XYLT1: variants seen among roughly 807,000 people sequenced by gnomAD.
The protein encoded by XYLT1 is xylosyltransferase 1.
In XYLT1, 36 loss-of-function variants were observed where a neutral mutation model predicts 91.3. The ratio of observed to expected loss-of-function variants is 0.39; its 90% CI spans 0.30 to 0.52. The LOEUF (loss-of-function observed/expected upper bound fraction) is 0.52. Ranked by LOEUF, XYLT1 falls within the 20% of genes least tolerant of loss-of-function variation. The pLI is 0.68. For synonymous variants in XYLT1, 588 were observed against 532.0 expected (o/e 1.11, Z -1.45); for missense variants, 1,242 against 1,284.5 (o/e 0.97, Z 0.51).
intron 2 of XYLT1, among the ~76,000 whole-genome samples, chr16:17,266,956 T>C (rs12708818): frequency 0.67 from 101,310 of 152,232 alleles, 36,029 homozygotes; most frequent in African/African-American, 0.92. Flanking sequence ...AGGCCCCTCG[T>C]CCAGCTCATC....
intron 2 of XYLT1, among the ~76,000 whole-genome samples, chr16:17,271,662 C>A (rs902179440): frequency 6.6e-6 from 1 of 152,158 alleles, no homozygotes; most frequent in Non-Finnish European, 1.5e-5. Context: ...ACCCACTAGA[C>A]CCCAGTCATG....
At chr16:17,461,451 C>A (rs1477098102) in intron 1 of XYLT1, among the ~76,000 whole-genome samples, 5 of 152,242 alleles carry the variant, frequency 3.3e-5, no homozygotes, top group Admixed American at 2.0e-4. Context: ...CACATTGGTC[C>A]TGTTCACCAA....
intron 3 of XYLT1, among the ~76,000 whole-genome samples, chr16:17,219,767 G>A (rs1021440942): frequency 2.0e-4 from 31 of 152,094 alleles, no homozygotes; most frequent in Non-Finnish European, 1.5e-5. Flanking sequence ...AGTGGCTCAC[G>A]CCTGTAATTC....
At chr16:17,158,681 C>A in intron 6 of XYLT1, 148 bp downstream of exon 6, 1 of 768,726 alleles carries the variant, frequency 1.3e-6, no homozygotes, top group Admixed American at 2.2e-5. Flanking sequence ...TCAGATCCCA[C>A]GCAGACACAG....
intron 3 of XYLT1, among the ~76,000 whole-genome samples, chr16:17,225,177 A>ACTCTCTCTCTCTCT (rs1555488928): frequency 1.4e-5 from 2 of 147,356 alleles, no homozygotes; most frequent in Admixed American, 6.8e-5. Flanking sequence ...ACACACACAC[A>ACTCTCTCTCTCTCT]CTCTCTCTCT....
chr16:17,328,060 G>C (rs951978951), intron 2 of XYLT1, among the ~76,000 whole-genome samples: 9 of 152,120 alleles, frequency 5.9e-5, no homozygotes, highest in Admixed American at 6.6e-5. Context: ...AATTGCAGGA[G>C]TAAACAACCA....
rs201668780 is a variant in XYLT1, at chr16:17,141,145, A to G, written c.1587+8T>C. ...ATCTTTCTTGGGAAAATTTTCCCAGATACTCACCTCAGCAGGAAGCAGGGT... is the reference window on the plus strand; with the variant it reads ...ATCTTTCTTGGGAAAATTTTCCCAGGTACTCACCTCAGCAGGAAGCAGGGT... On this transcript the variant is annotated splice_region_variant and intron_variant, in intron 7 of 11. Coordinates refer to ENST00000261381, the MANE Select transcript of XYLT1 (RefSeq NM_022166.4). 6.2e-7 allele frequency: 1 copy of G among 1,612,008 alleles called. No homozygotes were observed. The highest frequency in any genetic ancestry group is 8.5e-7 in the Non-Finnish European group (1 of 1,178,264).
chr16:17,312,127 TGCCGACAGACAAGAGGAAGAGGGGC>T lies in XYLT1; in HGVS notation c.402+45860_402+45884del, dbSNP rs2034561326. Among the ~76,000 whole-genome samples, 1 of 152,060 alleles carries T rather than the reference TGCCGACAGACAAGAGGAAGAGGGGC, an allele frequency of 6.6e-6. No individual in the cohort carries two copies. The highest frequency in any genetic ancestry group is 1.5e-5 in the Non-Finnish European group (1 of 68,006). ...GTGAGCTGGAGGATGAAAAAGAGCT[TGCCGACAGACAAGAGGAAGAGGGGC>T]GTTCTAGACACACAGCACTGCCCAA... On this transcript the variant is annotated intron_variant, in intron 2 of 11. Transcript: ENST00000261381. The surrounding 1 kb of genome is among the most constrained non-coding windows in gnomAD (Gnocchi z 4.4).
chr16:17,393,706 G>T (rs1236555302), intron 1 of XYLT1, among the ~76,000 whole-genome samples: 1 of 151,946 alleles, frequency 6.6e-6, no homozygotes, highest in Non-Finnish European at 1.5e-5. Context: ...TTAAGCCCAG[G>T]AGTTCAAGAC....
At chr16:17,310,808 C>T (rs1035660604) in intron 2 of XYLT1, among the ~76,000 whole-genome samples, 17 of 152,222 alleles carry the variant, frequency 1.1e-4, no homozygotes, top group South Asian at 4.2e-4. Context: ...GAGATCGTGC[C>T]ACTGCACTCT....
At chr16:17,406,433 G>A (rs2036033757) in intron 1 of XYLT1, among the ~76,000 whole-genome samples, 1 of 152,224 alleles carries the variant, frequency 6.6e-6, no homozygotes, top group Non-Finnish European at 1.5e-5. Flanking sequence ...CTCTCCCAGG[G>A]TTCCTGTGAA....
intron 2 of XYLT1, among the ~76,000 whole-genome samples, chr16:17,330,454 G>C (rs939520538): frequency 6.6e-6 from 1 of 151,882 alleles, no homozygotes; most frequent in Non-Finnish European, 1.5e-5. Flanking sequence ...GTGACTCCAG[G>C]GTCCCATAAG....
intron 5 of XYLT1, among the ~76,000 whole-genome samples, chr16:17,175,988 T>C (rs767266785): frequency 5.9e-5 from 9 of 152,012 alleles, no homozygotes; most frequent in Non-Finnish European, 1.3e-4. Context: ...ACCCCTCCAC[T>C]GGTCCTCAAT....
At chr16:17,164,556 C>T (rs914513876) in intron 5 of XYLT1, among the ~76,000 whole-genome samples, 1 of 152,142 alleles carries the variant, frequency 6.6e-6, no homozygotes, top group African/African-American at 2.4e-5. Context: ...CCCCTGGCAA[C>T]CCCCATTCTA....
intron 1 of XYLT1, among the ~76,000 whole-genome samples, chr16:17,452,305 CTTTTTTTTT>C (rs35177574): frequency 7.6e-6 from 1 of 131,676 alleles, no homozygotes; most frequent in African/African-American, 2.9e-5. Context: ...CAGTTTTTTT[CTTTTTTTTT>C]TTTTTTTTGT....
intron 2 of XYLT1, among the ~76,000 whole-genome samples, chr16:17,286,436 C>T (rs1369327375): frequency 6.6e-6 from 1 of 152,208 alleles, no homozygotes; most frequent in African/African-American, 2.4e-5. Flanking sequence ...AGACCACTCT[C>T]CTTGTCATCC....
intron 3 of XYLT1, among the ~76,000 whole-genome samples, chr16:17,233,362 G>A (rs534733000): frequency 6.6e-6 from 1 of 152,324 alleles, no homozygotes; most frequent in East Asian, 1.9e-4. Flanking sequence ...GCTGAGCAAA[G>A]CAAAAGGAGG....
At chr16:17,428,901 CA>C (rs1358746970) in intron 1 of XYLT1, among the ~76,000 whole-genome samples, 1 of 152,194 alleles carries the variant, frequency 6.6e-6, no homozygotes, top group East Asian at 1.9e-4. Context: ...CAGACTCAAT[CA>C]GCTACCTGCA....
chr16:17,332,174 C>A (rs945863731), intron 2 of XYLT1, among the ~76,000 whole-genome samples: 17 of 152,234 alleles, frequency 1.1e-4, no homozygotes, highest in South Asian at 2.1e-4. Flanking sequence ...GTACGTGACA[C>A]ATAAACTGCT....
Sources: allele counts gnomAD v4.1 joint callset (sites outside exome capture counted in the v4.1 genomes callset), GRCh38; gene constraint gnomAD v4.1.1; non-coding constraint Gnocchi (gnomAD v3.1); transcripts MANE v1.5; gene names NCBI Gene and HGNC (gene_info 2026-07-23, HGNC 2026-07-21).